VSTM4: variants seen among roughly 807,000 people sequenced by gnomAD.
The protein encoded by VSTM4 is V-set and transmembrane domain-containing protein 4.
VSTM4 carries 20 observed loss-of-function variants against 36.4 expected under a neutral mutation model. That is an observed-to-expected ratio of 0.55 (90% CI 0.39 to 0.80). The LOEUF (loss-of-function observed/expected upper bound fraction) is 0.80, where lower values mean the gene tolerates loss of function less well. Among genes scored for constraint, VSTM4 ranks in the 30% least tolerant of loss-of-function variants. VSTM4 has a pLI of 0.00. For missense variants in VSTM4, 392 were observed against 404.5 expected (o/e 0.97, Z 0.26); for synonymous variants, 182 against 173.9 (o/e 1.05, Z -0.37).
intron 2 of VSTM4, among the ~76,000 whole-genome samples, chr10:49,091,375 C>T (rs1844471295): frequency 1.3e-5 from 2 of 152,192 alleles, no homozygotes; most frequent in African/African-American, 4.8e-5. Flanking sequence ...CGTCACTGCC[C>T]CTCTGTTGAA....
intron 2 of VSTM4, among the ~76,000 whole-genome samples, chr10:49,086,698 T>C (rs138752675): frequency 1.3e-5 from 2 of 152,240 alleles, no homozygotes; most frequent in Non-Finnish European, 1.5e-5. Context: ...TGATGAAAAA[T>C]GTAAAATATC....
At position 49,017,247 on chromosome 10, in the gene VSTM4, A is replaced by C. The variant is rs1382313671; in HGVS notation, c.*2403T>G. 1 of 152,216 alleles carries C rather than the reference A, an allele frequency of 6.6e-6. No homozygotes were observed. The highest frequency in any genetic ancestry group is 1.5e-5 in the Non-Finnish European group (1 of 68,052). 9.4% of individuals were successfully genotyped at this position (152,216 alleles called of 1,614,324 possible). The stretch of plus-strand genomic sequence containing the variant: ...TGTCAATATATCCTCTCAAACAAGC[A>C]CCTGATACAAGTCATCCATTGCTTC... On this transcript the variant is annotated 3_prime_UTR_variant, in exon 8 of 8. Transcript: ENST00000332853.
chr10:49,107,323 G>A (rs550310928), intron 2 of VSTM4, among the ~76,000 whole-genome samples: 1 of 152,356 alleles, frequency 6.6e-6, no homozygotes, highest in African/African-American at 2.4e-5. Context: ...ACACATAAGA[G>A]GCTTTGCCCA....
chr10:49,081,461 C>T (rs902455999), intron 3 of VSTM4, among the ~76,000 whole-genome samples: 1 of 152,204 alleles, frequency 6.6e-6, no homozygotes, highest in Admixed American at 6.5e-5. Context: ...TCCTTCGCTT[C>T]AGAACAGCAG....
At chr10:49,073,575 A>G (rs747025099) in intron 4 of VSTM4, among the ~76,000 whole-genome samples, 1 of 152,140 alleles carries the variant, frequency 6.6e-6, no homozygotes, top group Non-Finnish European at 1.5e-5. Context: ...GTTTCCTCCA[A>G]TTCAATGGAC....
chr10:49,103,921 G>A lies in VSTM4; in HGVS notation c.457+3673C>T, dbSNP rs180754566. 2.9e-4 allele frequency: 414 copies of A among 1,439,406 alleles called. No individual in the cohort carries two copies. The African/African-American group carries it at 5.2e-3, about 18-fold the overall frequency. 89.2% of individuals were successfully genotyped at this position (1,439,406 alleles called of 1,614,324 possible). A position where few individuals can be genotyped will look rare whatever the true frequency, so the allele number is the denominator to read the frequency against. On this transcript the variant is annotated intron_variant, in intron 2 of 7. Coordinates refer to ENST00000332853, the MANE Select transcript of VSTM4 (RefSeq NM_001031746.5). ...ACAAGAGAGACCACGGGCCTGGGGT[G>A]GGGGGCACTCAAACCCCCAAGAGCT...
chr10:49,093,103 C>T (rs188888402), intron 2 of VSTM4, among the ~76,000 whole-genome samples: 2 of 152,244 alleles, frequency 1.3e-5, no homozygotes, highest in Admixed American at 6.5e-5. Flanking sequence ...CACCAAGGCA[C>T]GAACCCGGGA....
chr10:49,087,936 A>ATG (rs201440277), intron 2 of VSTM4, among the ~76,000 whole-genome samples: 1 of 123,854 alleles, frequency 8.1e-6, no homozygotes, highest in Non-Finnish European at 1.6e-5. Context: ...TGTAATATAT[A>ATG]TGTATATATA....
chr10:49,095,791 C>A (rs1339538354), intron 2 of VSTM4, among the ~76,000 whole-genome samples: 2 of 152,186 alleles, frequency 1.3e-5, no homozygotes, highest in African/African-American at 2.4e-5. Context: ...AAATCTATAA[C>A]CACATCTACA....
At chr10:49,060,935 G>GA (rs1255191602) in intron 5 of VSTM4, among the ~76,000 whole-genome samples, 7 of 152,156 alleles carry the variant, frequency 4.6e-5, no homozygotes, top group Non-Finnish European at 1.5e-5. Flanking sequence ...TTTCTCTTTA[G>GA]AACTGCCCTG....
At chr10:49,099,542 C>T (rs940885794) in intron 2 of VSTM4, among the ~76,000 whole-genome samples, 4 of 152,196 alleles carry the variant, frequency 2.6e-5, no homozygotes, top group African/African-American at 7.2e-5. Context: ...TCAAACCTAA[C>T]ATTGACCCTC....
chr10:49,019,508 G>T lies in VSTM4; in HGVS notation c.*142C>A. The T allele has an allele frequency of 8.0e-7, 1 of 1,250,192 alleles. No homozygotes were observed. Among genetic ancestry groups the T allele is most frequent in the Non-Finnish European group, 1.1e-6 (1 of 945,478 alleles). 77.4% of individuals were successfully genotyped at this position (1,250,192 alleles called of 1,614,324 possible). On this transcript the variant is annotated 3_prime_UTR_variant, in exon 8 of 8. Coordinates refer to ENST00000332853, the MANE Select transcript of VSTM4 (RefSeq NM_001031746.5). ...GAGAGCAGGCTTGTACCTCTTCAAA[G>T]GCACCCAGAATGCTGCTGAAAAGGG...
At position 49,097,645 on chromosome 10, in the gene VSTM4, T is replaced by C. The variant is rs184080330; in HGVS notation, c.457+9949A>G. Among the ~76,000 whole-genome samples the C allele has an allele frequency of 3.9e-5, 6 of 152,340 alleles. No homozygotes were observed. In the East Asian group the frequency reaches 9.6e-4, roughly 24 times the overall value. The stretch of plus-strand genomic sequence containing the variant: ...GCAGGACAGACATGGGTGGACACAG[T>C]CTGTGCAACACAGGGCAAAGCAAAG... On this transcript the variant is annotated intron_variant, in intron 2 of 7. Coordinates refer to ENST00000332853, the MANE Select transcript of VSTM4 (RefSeq NM_001031746.5).
intron 2 of VSTM4, among the ~76,000 whole-genome samples, chr10:49,099,257 A>G (rs4298825): frequency 0.091 from 13,886 of 152,274 alleles, 864 homozygotes; most frequent in South Asian, 0.22. Flanking sequence ...ATTCGCTGCT[A>G]TTATCACTCC....
At position 49,111,278 on chromosome 10, in the gene VSTM4, C is replaced by T. The variant is rs75127521; in HGVS notation, c.56-3283G>A. On this transcript the variant is annotated intron_variant, in intron 1 of 7. Coordinates refer to ENST00000332853, the MANE Select transcript of VSTM4 (RefSeq NM_001031746.5). ...AGAGAGAGGTAGTCCGTTATCTTCCCCCGCAGTCATCAGGACCATAGGGCT... is the reference window on the plus strand; with the variant it reads ...AGAGAGAGGTAGTCCGTTATCTTCCTCCGCAGTCATCAGGACCATAGGGCT... Among the ~76,000 whole-genome samples, 1,353 of 152,234 alleles carry T rather than the reference C, an allele frequency of 8.9e-3. 52 individuals carry two copies. The highest frequency in any genetic ancestry group is 0.084 in the East Asian group (436 of 5,170).
At chr10:49,034,012 A>G (rs1843387658) in intron 7 of VSTM4, among the ~76,000 whole-genome samples, 1 of 152,064 alleles carries the variant, frequency 6.6e-6, no homozygotes, top group Non-Finnish European at 1.5e-5. Context: ...TACCATCATC[A>G]TCACCATTAT....
chr10:49,101,051 T>C (rs1334512596), intron 2 of VSTM4, among the ~76,000 whole-genome samples: 1 of 152,100 alleles, frequency 6.6e-6, no homozygotes, highest in Non-Finnish European at 1.5e-5. Context: ...AGTAAAGCTT[T>C]CTTTTAATCA....
chr10:49,039,630 C>T (rs185694465), intron 7 of VSTM4, among the ~76,000 whole-genome samples: 1 of 152,034 alleles, frequency 6.6e-6, no homozygotes, highest in Admixed American at 6.5e-5. Flanking sequence ...GGAGGACTTG[C>T]AGATGAGGTG....
intron 1 of VSTM4, among the ~76,000 whole-genome samples, chr10:49,111,995 G>A (rs76785027): frequency 0.031 from 4,750 of 152,242 alleles, 240 homozygotes; most frequent in African/African-American, 0.11. Context: ...TTTCCAAGGA[G>A]GGAGCCCCAC....
Sources: gnomAD v4.1 joint callset for allele counts (sites outside exome capture counted in the v4.1 genomes callset) on GRCh38, gnomAD v4.1.1 for gene constraint, MANE v1.5 for transcripts, NCBI Gene and HGNC (gene_info 2026-07-23, HGNC 2026-07-21) for gene names.